EDARADD: variants seen among roughly 807,000 people sequenced by gnomAD.
EDARADD encodes the protein EDAR associated via death domain, also known as ectodysplasin-A receptor-associated adapter protein.
In EDARADD, 20 loss-of-function variants were observed where a neutral mutation model predicts 25.6. The ratio of observed to expected loss-of-function variants is 0.78; its 90% confidence interval spans 0.55 to 1.14. The LOEUF (loss-of-function observed/expected upper bound fraction) is 1.14, where lower values mean the gene tolerates loss of function less well. Ranked by LOEUF, EDARADD falls within the 50% of genes most tolerant of loss-of-function variation. The pLI is 0.00. For synonymous variants in EDARADD, 86 were observed against 94.4 expected, an observed-to-expected ratio of 0.91 and a Z score of 0.52; for missense variants, 225 against 270.1, an observed-to-expected ratio of 0.83 and a Z score of 1.17.
At chr1:236,379,742 T>C (rs1667276811) in intron 3 of EDARADD, among the ~76,000 whole-genome samples, 1 of 152,082 alleles carries the variant, frequency 6.6e-6, no homozygotes, top group South Asian at 2.1e-4. Context: ...ATGGTGCCAC[T>C]GCACTCCAGC....
intron 4 of EDARADD, among the ~76,000 whole-genome samples, chr1:236,447,251 C>CCTTT (rs56930680): frequency 0.11 from 6,922 of 60,780 alleles, 584 homozygotes; most frequent in African/African-American, 0.21. Flanking sequence ...TCCTTTCTTT[C>CCTTT]CTTTCTTTCT....
intron 3 of EDARADD, among the ~76,000 whole-genome samples, chr1:236,360,900 T>A (rs1278491480): frequency 2.0e-5 from 3 of 151,930 alleles, no homozygotes; most frequent in African/African-American, 7.3e-5. Context: ...AACTGGATAG[T>A]GAGGTGAATC....
chr1:236,462,973 A>G (rs1326524662), intron 4 of EDARADD, among the ~76,000 whole-genome samples: 1 of 152,254 alleles, frequency 6.6e-6, no homozygotes, highest in Non-Finnish European at 1.5e-5. Flanking sequence ...AGCCAGTGTT[A>G]AGAAAAATTA....
Position 236,484,338 on chromosome 1 carries a change from C to T in EDARADD, c.*1689C>T. On this transcript the variant is annotated 3_prime_UTR_variant, in exon 6 of 6. Coordinates refer to ENST00000334232, the MANE Select transcript of EDARADD (RefSeq NM_145861.4). This position sits in a 1 kb window ranked among gnomAD's most constrained non-coding sequence, Gnocchi z 4.1. ...CCTGGTGGTGGGGCTGTGACCTGGGCAGCTCAAGACTGGTGCCCCTTGCTG... is the reference window on the plus strand; with the variant it reads ...CCTGGTGGTGGGGCTGTGACCTGGGTAGCTCAAGACTGGTGCCCCTTGCTG... The T allele has an allele frequency of 7.3e-7, 1 of 1,372,516 alleles. No individual in the cohort carries two copies. 85.0% of individuals were successfully genotyped at this position (1,372,516 alleles called of 1,614,324 possible). A position where few individuals can be genotyped will look rare whatever the true frequency, so the allele number is the denominator to read the frequency against.
chr1:236,469,306 T>A (rs1286689543), intron 5 of EDARADD, among the ~76,000 whole-genome samples: 3 of 152,006 alleles, frequency 2.0e-5, no homozygotes, highest in African/African-American at 7.3e-5. Flanking sequence ...AAACTCCATC[T>A]CTACTAAAAA....
chr1:236,471,942 T>C (rs1208924494), intron 5 of EDARADD, among the ~76,000 whole-genome samples: 1 of 152,224 alleles, frequency 6.6e-6, no homozygotes, highest in Non-Finnish European at 1.5e-5. Flanking sequence ...CACAATTAAC[T>C]GTTAATTGAC....
chr1:236,420,642 G>A (rs956894231), intron 3 of EDARADD, among the ~76,000 whole-genome samples: 5 of 152,208 alleles, frequency 3.3e-5, no homozygotes, highest in African/African-American at 9.6e-5. Context: ...AGGAGGGTGA[G>A]CTGTTGGGAC....
At chr1:236,428,405 T>C (rs1226397895) in intron 4 of EDARADD, among the ~76,000 whole-genome samples, 8 of 152,198 alleles carry the variant, frequency 5.3e-5, no homozygotes, top group South Asian at 2.1e-4. Context: ...CCGATCTCTC[T>C]TTCTTTTCCC....
intron 4 of EDARADD, among the ~76,000 whole-genome samples, chr1:236,447,360 A>G (rs1375864337): frequency 3.3e-5 from 5 of 151,538 alleles, no homozygotes; most frequent in African/African-American, 9.7e-5. Flanking sequence ...AGGTTCAAGC[A>G]ATTCTCCTGC....
intron 5 of EDARADD, among the ~76,000 whole-genome samples, chr1:236,472,936 C>CA (rs11392078): frequency 0.11 from 16,145 of 152,010 alleles, 1,355 homozygotes; most frequent in African/African-American, 0.23. Flanking sequence ...TTGTTAACAC[C>CA]AAAAAAACTT....
intron 3 of EDARADD, among the ~76,000 whole-genome samples, chr1:236,418,464 C>T (rs921094398): frequency 4.6e-5 from 7 of 151,890 alleles, no homozygotes; most frequent in South Asian, 4.2e-4. Context: ...AGGCTGGTCT[C>T]GAACTCCTGA....
At chr1:236,369,976 G>A (rs1667157033) in intron 3 of EDARADD, among the ~76,000 whole-genome samples, 1 of 152,170 alleles carries the variant, frequency 6.6e-6, no homozygotes, top group Non-Finnish European at 1.5e-5. Context: ...AAGGGATAAG[G>A]TTGCAGGGAT....
At chr1:236,351,092 T>G (rs1382958092) in intron 3 of EDARADD, among the ~76,000 whole-genome samples, 1 of 151,966 alleles carries the variant, frequency 6.6e-6, no homozygotes, top group Non-Finnish European at 1.5e-5. Flanking sequence ...TGAGCCATGA[T>G]TACACCACTG....
rs900864864 is a variant in EDARADD, at chr1:236,473,536, G to A, written c.265+5260G>A. 3.9e-5 allele frequency among the ~76,000 whole-genome samples: 6 copies of A among 152,258 alleles called. No individual in the cohort carries two copies. In the East Asian group the frequency reaches 1.2e-3, roughly 29 times the overall value. ...CTCACACCTGTAATCCCAACAATTT[G>A]GGAAGCTGATGTAGGTGGATTGCTT... On this transcript the variant is annotated intron_variant, in intron 5 of 5. Transcript: ENST00000334232.
At chr1:236,393,272 G>T (rs1667449443), upstream of EDARADD, among the ~76,000 whole-genome samples, 1 of 152,004 alleles carries the variant, frequency 6.6e-6, no homozygotes, top group Admixed American at 6.6e-5. Flanking sequence ...AAAATTGGAG[G>T]TCACTCAAAG....
At position 236,484,427 on chromosome 1, in the gene EDARADD, T is replaced by C; in HGVS notation, c.*1778T>C. On this transcript the variant is annotated 3_prime_UTR_variant, in exon 6 of 6. Coordinates refer to ENST00000334232, the MANE Select transcript of EDARADD (RefSeq NM_145861.4). This position sits in a 1 kb window ranked among gnomAD's most constrained non-coding sequence, Gnocchi z 4.1. The stretch of plus-strand genomic sequence containing the variant: ...TTGAAGAGGAGCTGGGCAGCAAGGC[T>C]AAGTTTGCCGGCAGGAACTTCAGAA... 3 of 1,610,522 alleles carry C rather than the reference T, an allele frequency of 1.9e-6. No homozygotes were observed. Among genetic ancestry groups the C allele is most frequent in the Non-Finnish European group, 2.5e-6 (3 of 1,178,104 alleles).
At chr1:236,389,687 C>T (rs990341387), upstream of EDARADD, among the ~76,000 whole-genome samples, 1 of 152,042 alleles carries the variant, frequency 6.6e-6, no homozygotes, top group Non-Finnish European at 1.5e-5. Flanking sequence ...GCAATTGACT[C>T]CTGTATAATA....
chr1:236,455,003 A>G (rs1658817716), intron 4 of EDARADD, among the ~76,000 whole-genome samples: 1 of 152,256 alleles, frequency 6.6e-6, no homozygotes, highest in South Asian at 2.1e-4. Flanking sequence ...TGAGGTCAGG[A>G]GTTCGAGAGC....
chr1:236,476,446 G>A (rs549771231), intron 5 of EDARADD, among the ~76,000 whole-genome samples: 1 of 152,098 alleles, frequency 6.6e-6, no homozygotes, highest in Non-Finnish European at 1.5e-5. Flanking sequence ...AGCACTTCGG[G>A]AGGCCGAGGC....
Sources: gnomAD v4.1 joint callset for allele counts (sites outside exome capture counted in the v4.1 genomes callset) on GRCh38, gnomAD v4.1.1 for gene constraint, Gnocchi (gnomAD v3.1) non-coding constraint, MANE v1.5 for transcripts, NCBI Gene and HGNC (gene_info 2026-07-23, HGNC 2026-07-21) for gene names.